CSMD1: variants seen among roughly 807,000 people sequenced by gnomAD.
The protein encoded by CSMD1 is CUB and Sushi multiple domains 1.
In CSMD1, 213 loss-of-function variants were observed where a neutral mutation model predicts 417.5. The ratio of observed to expected loss-of-function variants is 0.51; its 90% CI spans 0.46 to 0.57. The LOEUF (loss-of-function observed/expected upper bound fraction) is 0.57. Among genes scored for constraint, CSMD1 ranks in the 20% least tolerant of loss-of-function variants. The pLI is 0.00. For synonymous variants in CSMD1, 2,862 were observed against 1,736.8 expected (o/e 1.65, Z -16.11); for missense variants, 6,923 against 4,529.7 (o/e 1.53, Z -15.17).
At chr8:4,909,163 G>A (rs1805496869) in intron 1 of CSMD1, among the ~76,000 whole-genome samples, 1 of 152,090 alleles carries the variant, frequency 6.6e-6, no homozygotes, top group Non-Finnish European at 1.5e-5. Flanking sequence ...TCCCTGGCAG[G>A]GCCTTCTGCT....
chr8:4,305,064 G>A (rs1391291242), intron 3 of CSMD1, among the ~76,000 whole-genome samples: 4 of 152,216 alleles, frequency 2.6e-5, no homozygotes, highest in South Asian at 2.1e-4. Flanking sequence ...GCACCTATTC[G>A]TTTTAGGGCA....
At chr8:4,022,177 T>C (rs1796821860) in intron 4 of CSMD1, among the ~76,000 whole-genome samples, 1 of 105,396 alleles carries the variant, frequency 9.5e-6, no homozygotes, top group Non-Finnish European at 1.9e-5. Context: ...TATATGTATA[T>C]TTATGTGTAT....
At chr8:3,338,506 G>C (rs942394914) in intron 23 of CSMD1, among the ~76,000 whole-genome samples, 3 of 152,230 alleles carry the variant, frequency 2.0e-5, no homozygotes, top group African/African-American at 7.2e-5. Flanking sequence ...GCAGGGATGA[G>C]AAATCTGGTT....
chr8:4,445,908 C>T (rs1367146708), intron 2 of CSMD1, among the ~76,000 whole-genome samples: 1 of 152,138 alleles, frequency 6.6e-6, no homozygotes, highest in Non-Finnish European at 1.5e-5. Context: ...GATGCAGGGA[C>T]GTGACCTGGG....
At chr8:4,207,880 T>G (rs1474466206) in intron 3 of CSMD1, among the ~76,000 whole-genome samples, 1 of 152,250 alleles carries the variant, frequency 6.6e-6, no homozygotes, top group African/African-American at 2.4e-5. Flanking sequence ...GTGGAGAAAT[T>G]AGTCCTCATG....
intron 50 of CSMD1, among the ~76,000 whole-genome samples, chr8:3,044,540 C>T (rs954821472): frequency 5.9e-5 from 9 of 151,974 alleles, no homozygotes; most frequent in African/African-American, 2.2e-4. Flanking sequence ...AAACCCAGTC[C>T]GTTAATACCA....
chr8:3,137,036 G>A (rs977835403), intron 41 of CSMD1, among the ~76,000 whole-genome samples: 7 of 152,006 alleles, frequency 4.6e-5, no homozygotes, highest in Admixed American at 3.9e-4. Flanking sequence ...TAATCTAAGT[G>A]ATCAGATCTG....
intron 26 of CSMD1, among the ~76,000 whole-genome samples, chr8:3,264,989 C>T (rs1259171451): frequency 6.6e-6 from 1 of 152,020 alleles, no homozygotes; most frequent in East Asian, 1.9e-4. Flanking sequence ...GGTCTGCACC[C>T]CAGCTGTATT....
intron 2 of CSMD1, among the ~76,000 whole-genome samples, chr8:4,502,295 G>T (rs1329189512): frequency 1.3e-5 from 2 of 152,030 alleles, no homozygotes; most frequent in Non-Finnish European, 2.9e-5. Flanking sequence ...ATTCTCCGAG[G>T]CTCAGTCTTT....
chr8:4,296,911 C>G, intron 3 of CSMD1, among the ~76,000 whole-genome samples: 1 of 151,998 alleles, frequency 6.6e-6, no homozygotes, highest in African/African-American at 2.4e-5. Flanking sequence ...AGATTATATT[C>G]CTGTGCATGA....
chr8:3,698,783 A>C (rs957774334), intron 7 of CSMD1, among the ~76,000 whole-genome samples: 2 of 152,242 alleles, frequency 1.3e-5, no homozygotes, highest in African/African-American at 4.8e-5. Flanking sequence ...TAATAGAGTG[A>C]AAATGTATCT....
intron 3 of CSMD1, among the ~76,000 whole-genome samples, chr8:4,081,010 C>T (rs1057116005): frequency 2.2e-4 from 33 of 152,126 alleles, no homozygotes; most frequent in African/African-American, 7.5e-4. Flanking sequence ...ATCCCCTTTT[C>T]GCCTTTGCCT....
intron 2 of CSMD1, among the ~76,000 whole-genome samples, chr8:4,580,181 T>C (rs1799345002): frequency 6.6e-6 from 1 of 152,188 alleles, no homozygotes; most frequent in African/African-American, 2.4e-5. Context: ...TTATGTAAAC[T>C]TCATGGAATC....
chr8:3,645,473 G>C (rs992984832), intron 7 of CSMD1, among the ~76,000 whole-genome samples: 1 of 152,198 alleles, frequency 6.6e-6, no homozygotes, highest in African/African-American at 2.4e-5. Flanking sequence ...TTTACTAACT[G>C]AAAATGGGAC....
chr8:4,135,443 A>C (rs998465977), intron 3 of CSMD1, among the ~76,000 whole-genome samples: 8 of 151,192 alleles, frequency 5.3e-5, no homozygotes, highest in African/African-American at 1.9e-4. Flanking sequence ...GGAAGGACGG[A>C]AATTATCAGA....
At position 3,396,263 on chromosome 8, in the gene CSMD1, T is replaced by C; in HGVS notation, c.2524A>G (p.Asn842Asp). The C allele has an allele frequency of 6.3e-7, 1 of 1,588,206 alleles. No homozygotes were observed. The highest frequency in any genetic ancestry group is 8.6e-7 in the Non-Finnish European group (1 of 1,167,032). Residue 842 changes from asparagine (N) to aspartate (D), a missense_variant, in exon 17 of 70, where the codon AAC becomes GAC. By Grantham distance (23) the Asn-to-Asp change is conservative (BLOSUM62 1). Transcript: ENST00000635120. ...QAPQFLISTG[N>D]FMYLLFTTDN... ...GTGGTGAACAGCAGGTACATGAAGTTCCCGGTGCTGATGAGGAACTGGGGT... is the reference window on the plus strand; with the variant it reads ...GTGGTGAACAGCAGGTACATGAAGTCCCCGGTGCTGATGAGGAACTGGGGT...
rs937863032 is a variant in CSMD1, at chr8:4,131,220, G to C, written c.416-99121C>G. On this transcript the variant is annotated intron_variant, in intron 3 of 69. Coordinates refer to ENST00000635120, the MANE Select transcript of CSMD1 (RefSeq NM_033225.6). ...TTAAATAGAGACGCCATTTCTATAAGTATACGGCATGTGGTGTGGCTGAGT... is the reference window on the plus strand; with the variant it reads ...TTAAATAGAGACGCCATTTCTATAACTATACGGCATGTGGTGTGGCTGAGT... Among the ~76,000 whole-genome samples the C allele has an allele frequency of 9.8e-5, 15 of 152,302 alleles. 1 individual carries two copies. The South Asian group carries it at 1.0e-3, about 11-fold the overall frequency.
In CSMD1 at chr8:3,308,485, C is replaced by T. The variant is rs1223737405; in HGVS notation, c.3650G>A (p.Cys1217Tyr). The T allele has an allele frequency of 6.2e-7, 1 of 1,612,374 alleles. No individual in the cohort carries two copies. The highest frequency in any genetic ancestry group is 8.5e-7 in the Non-Finnish European group (1 of 1,178,888). ...LTYTSFDLVK[C>Y]EDPGIPNYGY... The stretch of plus-strand genomic sequence containing the variant: ...GTAGTTAGGGATGCCCGGATCCTCA[C>T]ATTTTACCAGATCAAAACCTGCAAG... The change falls in exon 24 of 70, where the codon TGT becomes TAT. Residue 1217 changes from cysteine (C) to tyrosine (Y), a missense_variant. Coordinates refer to ENST00000635120, the MANE Select transcript of CSMD1 (RefSeq NM_033225.6).
intron 3 of CSMD1, among the ~76,000 whole-genome samples, chr8:4,099,011 T>C (rs1372474718): frequency 6.6e-6 from 1 of 152,190 alleles, no homozygotes; most frequent in Non-Finnish European, 1.5e-5. Context: ...TCCAAACAAC[T>C]CTTCAGCTGA....
Sources: allele counts gnomAD v4.1 joint callset (sites outside exome capture counted in the v4.1 genomes callset), GRCh38; gene constraint gnomAD v4.1.1; transcripts MANE v1.5; gene names NCBI Gene and HGNC (gene_info 2026-07-23, HGNC 2026-07-21).